Variants in SLAIN2 observed in about 807,000 individuals in gnomAD.
SLAIN2 encodes SLAIN family member 2.
SLAIN2 carries 31 observed loss-of-function variants against 56.6 expected under a neutral mutation model. The observed-to-expected ratio is 0.55, with a 90% CI of 0.41 to 0.74. SLAIN2 has a LOEUF of 0.74. SLAIN2 is among the 30% of genes least tolerant of loss of function. The pLI is 0.00. For synonymous variants in SLAIN2, 317 were observed against 284.9 expected (o/e 1.11, Z -1.13); for missense variants, 777 against 754.2 (o/e 1.03, Z -0.35).
chr4:48,363,384 C>CG (rs1715388024), intron 1 of SLAIN2, among the ~76,000 whole-genome samples: 3 of 75,004 alleles, frequency 4.0e-5, no homozygotes, highest in African/African-American at 1.4e-4. Context: ...GCTGGCCGGG[C>CG]GGGGGGGCTG....
intron 6 of SLAIN2, among the ~76,000 whole-genome samples, chr4:48,410,572 C>G (rs535696106): frequency 1.3e-5 from 2 of 152,192 alleles, no homozygotes; most frequent in Admixed American, 1.3e-4. Context: ...GAATCCGCTG[C>G]GCTTTCCCCT....
chr4:48,364,604 G>C (rs1373388352), intron 1 of SLAIN2, among the ~76,000 whole-genome samples: 2 of 103,062 alleles, frequency 1.9e-5, no homozygotes, highest in Non-Finnish European at 4.5e-5. Context: ...CTGAGTGAAC[G>C]AGACTCCGTC....
intron 6 of SLAIN2, among the ~76,000 whole-genome samples, chr4:48,417,846 T>C (rs1209136593): frequency 2.0e-5 from 3 of 152,088 alleles, no homozygotes; most frequent in African/African-American, 4.8e-5. Flanking sequence ...TGATGGGATG[T>C]ATTTCAAAAT....
chr4:48,402,179 C>T (rs1191039069), intron 6 of SLAIN2, among the ~76,000 whole-genome samples: 1 of 150,542 alleles, frequency 6.6e-6, no homozygotes, highest in Non-Finnish European at 1.5e-5. Context: ...GTGACCTGGC[C>T]TTTGTCTCTG....
intron 1 of SLAIN2, among the ~76,000 whole-genome samples, chr4:48,356,550 A>G (rs889941622): frequency 2.6e-5 from 4 of 152,192 alleles, no homozygotes; most frequent in Non-Finnish European, 5.9e-5. Context: ...ACAATTTGCA[A>G]GTCTGGAATA....
At chr4:48,373,549 A>G (rs1490142830) in intron 2 of SLAIN2, among the ~76,000 whole-genome samples, 1 of 152,182 alleles carries the variant, frequency 6.6e-6, no homozygotes, top group African/African-American at 2.4e-5. Context: ...GGGGTACATT[A>G]TAAAGAAAAA....
At chr4:48,360,921 T>C (rs1715311132) in intron 1 of SLAIN2, among the ~76,000 whole-genome samples, 1 of 152,226 alleles carries the variant, frequency 6.6e-6, no homozygotes, top group African/African-American at 2.4e-5. Context: ...AGTTCATGTG[T>C]AGCATTTTTA....
Position 48,420,174 on chromosome 4 carries a change from T to C in SLAIN2, c.1410T>C (p.Ala470=). ...CCCCTGCAGCACCATCTCCTTTGGC[T>C]CTTCGGCAACCAGTGAAAGCATTTA... ...FRSPAAPSPL[A]LRQPVKAFSN... The change falls in exon 7 of 8, where the codon GCT becomes GCC. Residue 470 remains alanine, a synonymous_variant. Transcript: ENST00000264313. 1 of 1,613,988 alleles carries C rather than the reference T, an allele frequency of 6.2e-7. No homozygotes were observed. The highest frequency in any genetic ancestry group is 8.5e-7 in the Non-Finnish European group (1 of 1,179,868).
intron 1 of SLAIN2, among the ~76,000 whole-genome samples, chr4:48,345,689 G>A (rs927997641): frequency 1.3e-5 from 2 of 150,066 alleles, no homozygotes; most frequent in Non-Finnish European, 3.0e-5. Flanking sequence ...TTTTTTTTTA[G>A]GCGTGCTCAG....
intron 7 of SLAIN2, 121 bp downstream of exon 7, chr4:48,420,564 G>A: frequency 9.3e-7 from 1 of 1,073,826 alleles, no homozygotes; most frequent in Non-Finnish European, 1.3e-6. Context: ...TCCCACCAGA[G>A]TTTTAGTACC....
At chr4:48,383,490 GTTGT>G (rs1040706978) in intron 5 of SLAIN2, among the ~76,000 whole-genome samples, 153 bp from the exon 6 acceptor site, 6 of 151,844 alleles carry the variant, frequency 4.0e-5, no homozygotes, top group African/African-American at 7.3e-5. Context: ...CCTAGATCGA[GTTGT>G]TTGTTTTTTT....
At chr4:48,364,259 C>T (rs756816354) in intron 1 of SLAIN2, among the ~76,000 whole-genome samples, 2,159 of 91,124 alleles carry the variant, frequency 0.024, 50 homozygotes, top group Non-Finnish European at 0.037. Context: ...CAGAGGCGCT[C>T]CCCACATCTC....
intron 1 of SLAIN2, among the ~76,000 whole-genome samples, chr4:48,362,441 CAG>C (rs947517669): frequency 3.6e-5 from 5 of 137,970 alleles, no homozygotes; most frequent in Admixed American, 2.2e-4. Flanking sequence ...TTTTTTTGGA[CAG>C]AGTCTTGTTC....
intron 4 of SLAIN2, among the ~76,000 whole-genome samples, chr4:48,380,697 C>A (rs1300815447): frequency 6.6e-6 from 1 of 152,114 alleles, no homozygotes; most frequent in Non-Finnish European, 1.5e-5. Context: ...AGTAAGAAAT[C>A]TCTCTAAAGC....
intron 7 of SLAIN2, 23 bp downstream of exon 7, chr4:48,420,466 C>G (rs780536812): frequency 1.9e-6 from 3 of 1,610,700 alleles, no homozygotes; most frequent in Non-Finnish European, 2.5e-6. Flanking sequence ...TGTTCTGTTT[C>G]AGCATTCTTG....
rs1357177828 is a variant in SLAIN2 at position 48,422,208 on chromosome 4, A to G, written c.*131A>G. 1 of 669,974 alleles carries G rather than the reference A, an allele frequency of 1.5e-6. No individual in the cohort carries two copies. Among genetic ancestry groups the G allele is most frequent in the African/African-American group, 1.8e-5 (1 of 55,030 alleles). 41.5% of individuals were successfully genotyped at this position (669,974 alleles called of 1,614,324 possible). A position where few individuals can be genotyped will look rare whatever the true frequency, so the allele number is the denominator to read the frequency against. Reference sequence around the variant, plus strand: ...ATAAAATCCCAGCCCTCTCTGTCTTAATTAGCACAAACCGACAGAGATCAT... The same window carrying G: ...ATAAAATCCCAGCCCTCTCTGTCTTGATTAGCACAAACCGACAGAGATCAT... On this transcript the variant is annotated 3_prime_UTR_variant, in exon 8 of 8. Coordinates refer to ENST00000264313, the MANE Select transcript of SLAIN2 (RefSeq NM_020846.2).
At chr4:48,354,333 T>G (rs541138740) in intron 1 of SLAIN2, among the ~76,000 whole-genome samples, 1 of 152,192 alleles carries the variant, frequency 6.6e-6, no homozygotes, top group South Asian at 2.1e-4. Flanking sequence ...CTGTTGTAAG[T>G]GATATAGAAA....
chr4:48,350,186 C>A (rs1395647302), intron 1 of SLAIN2, among the ~76,000 whole-genome samples: 1 of 152,182 alleles, frequency 6.6e-6, no homozygotes. Context: ...TTGTATAGCT[C>A]ACATCCTGTG....
At chr4:48,375,738 C>T (rs1214851535) in intron 2 of SLAIN2, among the ~76,000 whole-genome samples, 2 of 152,170 alleles carry the variant, frequency 1.3e-5, no homozygotes, top group Non-Finnish European at 2.9e-5. Context: ...TGACCTGGCT[C>T]CAGCTGGTTT....
Sources: allele counts gnomAD v4.1 joint callset (sites outside exome capture counted in the v4.1 genomes callset), GRCh38; gene constraint gnomAD v4.1.1; transcripts MANE v1.5; gene names NCBI Gene and HGNC (gene_info 2026-07-23, HGNC 2026-07-21).